Variants in SBF2 observed in about 807,000 individuals in gnomAD.
SBF2 encodes myotubularin-related protein 13.
A neutral mutation model predicts 225.2 loss-of-function variants in SBF2; 112 were observed. The observed-to-expected ratio is 0.50, with a 90% confidence interval of 0.43 to 0.58. The LOEUF is 0.58. Ranked by LOEUF, SBF2 falls within the 20% of genes least tolerant of loss-of-function variation. SBF2 has a pLI of 0.00. For missense variants in SBF2, 1,996 were observed against 2,206.2 expected (o/e 0.90, Z 1.91); for synonymous variants, 763 against 773.3 (o/e 0.99, Z 0.22).
At chr11:10,210,212 G>A (rs1344440772) in intron 1 of SBF2, among the ~76,000 whole-genome samples, 1 of 152,066 alleles carries the variant, frequency 6.6e-6, no homozygotes, top group Non-Finnish European at 1.5e-5. Flanking sequence ...GGAGGCTGAG[G>A]TGGCAGAATT....
chr11:10,240,556 C>T (rs1959194282), intron 1 of SBF2, among the ~76,000 whole-genome samples: 1 of 152,194 alleles, frequency 6.6e-6, no homozygotes, highest in African/African-American at 2.4e-5. Flanking sequence ...AACGCATGCT[C>T]TTTACCTTTG....
intron 2 of SBF2, among the ~76,000 whole-genome samples, chr11:10,105,364 C>T (rs1479093418): frequency 1.3e-5 from 2 of 152,184 alleles, no homozygotes; most frequent in Admixed American, 6.5e-5. Context: ...ACTTCTGGTA[C>T]ATTGGTAATA....
chr11:10,033,907 T>A (rs1049789754), intron 3 of SBF2, among the ~76,000 whole-genome samples: 6 of 152,172 alleles, frequency 3.9e-5, no homozygotes, highest in Non-Finnish European at 8.8e-5. Context: ...ATTGGAAAGA[T>A]GTGAAAAACT....
chr11:10,286,951 G>A (rs1283336120), intron 1 of SBF2, among the ~76,000 whole-genome samples: 1 of 152,160 alleles, frequency 6.6e-6, no homozygotes, highest in Non-Finnish European at 1.5e-5. Flanking sequence ...TCAAAGATCT[G>A]TATGCAAATG....
rs1229783315 is a variant in SBF2 at position 9,940,477 on chromosome 11, C to T, written c.1860+21480G>A. 3.9e-5 allele frequency among the ~76,000 whole-genome samples: 6 copies of T among 152,066 alleles called. No homozygotes were observed. In the South Asian group the frequency reaches 1.0e-3, roughly 26 times the overall value. On this transcript the variant is annotated intron_variant, in intron 16 of 39. Transcript: ENST00000256190. Reference sequence around the variant, plus strand: ...GGTGGTGGTGCAGCCAGTCTAATACCAAAGTCTGAGCAGCTGTGTAGTACC... The same window carrying T: ...GGTGGTGGTGCAGCCAGTCTAATACTAAAGTCTGAGCAGCTGTGTAGTACC...
intron 2 of SBF2, among the ~76,000 whole-genome samples, chr11:10,089,845 A>G (rs1443627016): frequency 6.6e-6 from 1 of 152,232 alleles, no homozygotes; most frequent in African/African-American, 2.4e-5. Flanking sequence ...AATGAGAAAT[A>G]TTCAAATACT....
At chr11:10,088,773 TGG>T (rs545063104) in intron 2 of SBF2, among the ~76,000 whole-genome samples, 242 of 152,272 alleles carry the variant, frequency 1.6e-3, no homozygotes, top group Non-Finnish European at 2.7e-3. Flanking sequence ...CCTTCAACAT[TGG>T]GATCAAATTT....
chr11:10,252,835 C>CA (rs147297840), intron 1 of SBF2, among the ~76,000 whole-genome samples: 20 of 141,086 alleles, frequency 1.4e-4, no homozygotes, highest in South Asian at 2.3e-4. Flanking sequence ...AAAAAAAAAT[C>CA]AAAAAAAAGA....
At chr11:9,906,505 T>C (rs1438848558) in intron 16 of SBF2, among the ~76,000 whole-genome samples, 1 of 152,250 alleles carries the variant, frequency 6.6e-6, no homozygotes, top group Non-Finnish European at 1.5e-5. Context: ...CTCATTGTAG[T>C]GCATGTCTCA....
chr11:10,094,631 T>C (rs1951940464), intron 2 of SBF2, among the ~76,000 whole-genome samples: 1 of 147,772 alleles, frequency 6.8e-6, no homozygotes, highest in Admixed American at 7.1e-5. Flanking sequence ...GCCTCCCGAG[T>C]AGCTGGGATT....
intron 16 of SBF2, among the ~76,000 whole-genome samples, chr11:9,908,344 G>A (rs1862271933): frequency 1.3e-5 from 2 of 152,296 alleles, no homozygotes; most frequent in Admixed American, 1.3e-4. Context: ...GCAGATGGGG[G>A]GCTTGGTGCG....
chr11:9,869,312 T>C (rs1007710969), intron 17 of SBF2, among the ~76,000 whole-genome samples: 5 of 152,210 alleles, frequency 3.3e-5, no homozygotes, highest in African/African-American at 4.8e-5. Context: ...AAGAGTTCCC[T>C]GAAAATTTTT....
chr11:10,234,070 T>C (rs2135442909), intron 1 of SBF2, among the ~76,000 whole-genome samples: 1 of 152,356 alleles, frequency 6.6e-6, no homozygotes, highest in African/African-American at 2.4e-5. Flanking sequence ...GTATTATTCA[T>C]CAAAGATCCA....
At chr11:10,105,441 C>G (rs547944539) in intron 2 of SBF2, among the ~76,000 whole-genome samples, 2 of 152,092 alleles carry the variant, frequency 1.3e-5, no homozygotes, top group Non-Finnish European at 2.9e-5. Context: ...TCAATTACTT[C>G]GTGAAGAATA....
intron 17 of SBF2, among the ~76,000 whole-genome samples, chr11:9,890,330 G>C (rs1860696613): frequency 6.6e-6 from 1 of 152,114 alleles, no homozygotes; most frequent in African/African-American, 2.4e-5. Flanking sequence ...CTTAAGATGG[G>C]TGAATTTTAT....
At chr11:10,248,914 T>A (rs2135481190) in intron 1 of SBF2, among the ~76,000 whole-genome samples, 1 of 152,130 alleles carries the variant, frequency 6.6e-6, no homozygotes, top group Middle Eastern at 3.4e-3. Context: ...GCTAACACAG[T>A]GAAACCCCGT....
intron 35 of SBF2, 178 bp from the exon 36 acceptor site, chr11:9,787,916 T>C: frequency 1.5e-6 from 1 of 654,204 alleles, no homozygotes; most frequent in Non-Finnish European, 2.8e-6. Context: ...GAGCTCTAGT[T>C]GGTGTGCCGT....
intron 16 of SBF2, among the ~76,000 whole-genome samples, chr11:9,901,486 C>T (rs1299547772): frequency 2.6e-5 from 4 of 152,082 alleles, no homozygotes; most frequent in Admixed American, 2.6e-4. Flanking sequence ...TCAGACACGC[C>T]CCATTACGCC....
At chr11:10,220,551 C>A (rs1387399602) in intron 1 of SBF2, among the ~76,000 whole-genome samples, 3 of 152,144 alleles carry the variant, frequency 2.0e-5, no homozygotes, top group East Asian at 3.8e-4. Context: ...TAATTTCTTG[C>A]CTGACTTGGT....
Sources: allele counts gnomAD v4.1 joint callset (sites outside exome capture counted in the v4.1 genomes callset), GRCh38; gene constraint gnomAD v4.1.1; transcripts MANE v1.5; gene names NCBI Gene and HGNC (gene_info 2026-07-23, HGNC 2026-07-21).